Variants in CD33 observed in about 807,000 individuals in gnomAD.
CD33 encodes the protein CD33 molecule.
CD33 carries 25 observed loss-of-function variants against 31.4 expected under a neutral mutation model. The ratio of observed to expected loss-of-function variants is 0.80; its 90% CI spans 0.58 to 1.11. The LOEUF (loss-of-function observed/expected upper bound fraction) is 1.11, where lower values mean the gene tolerates loss of function less well. Ranked by LOEUF, CD33 falls within the 50% of genes most tolerant of loss-of-function variation. The probability of loss-of-function intolerance (pLI) is 0.00; values close to 1 mark genes in which losing one functional copy is unlikely to be tolerated. For synonymous variants in CD33, 176 were observed against 180.6 expected, an observed-to-expected ratio of 0.97 and a Z score of 0.20; for missense variants, 407 against 448.1, an observed-to-expected ratio of 0.91 and a Z score of 0.83.
At chr19:51,213,436 T>G in the CD33 span, among the ~76,000 whole-genome samples, 1 of 152,060 alleles carries the variant, frequency 6.6e-6, no homozygotes, top group African/African-American at 2.4e-5. Context: ...CACCAATGTA[T>G]GTTGCACCAC....
At chr19:51,223,087 G>C (rs1309279675), upstream of CD33, among the ~76,000 whole-genome samples, 1 of 152,048 alleles carries the variant, frequency 6.6e-6, no homozygotes, top group African/African-American at 2.4e-5. Flanking sequence ...CGGCCTGGTA[G>C]TATGAGCCTG....
chr19:51,211,354 C>G, the CD33 span: 38 of 1,552,524 alleles, frequency 2.4e-5, no homozygotes, highest in Non-Finnish European at 3.2e-5. Flanking sequence ...TTACTGGTTC[C>G]GGGAAGGAGC....
Position 51,236,172 on chromosome 19 carries a change from A to G in CD33, c.924+496A>G, listed in dbSNP as rs1360106088. 8.9e-6 allele frequency: 3 copies of G among 335,540 alleles called. No homozygotes were observed. In the East Asian group the frequency reaches 2.1e-4, roughly 24 times the overall value. The allele number at this position is 335,540 out of a possible 1,614,324, so 20.8% of individuals were successfully genotyped here. On this transcript the variant is annotated intron_variant, in intron 6 of 6. Coordinates refer to ENST00000262262, the MANE Select transcript of CD33 (RefSeq NM_001772.4). ...GACTCTGTCCCAAAAAGAAAAAAAA[A>G]ATAGTTTCTTATTCACCGTTCCCGA...
At chr19:51,215,126 G>A in the CD33 span, among the ~76,000 whole-genome samples, 1 of 152,152 alleles carries the variant, frequency 6.6e-6, no homozygotes, top group Non-Finnish European at 1.5e-5. Flanking sequence ...TTCCTCAGGT[G>A]AGCACTGCCC....
At chr19:51,218,508 T>C in the CD33 span, among the ~76,000 whole-genome samples, 1 of 152,238 alleles carries the variant, frequency 6.6e-6, no homozygotes, top group Non-Finnish European at 1.5e-5. Flanking sequence ...TTTTTTATGC[T>C]ATGCAGAAGC....
At chr19:51,237,507 C>A (rs562144177) in intron 6 of CD33, 1 of 152,332 alleles carries the variant, frequency 6.6e-6, no homozygotes, top group African/African-American at 2.4e-5. Flanking sequence ...TGGGCAAACA[C>A]CTGCAGAAAG....
chr19:51,213,026 T>A, the CD33 span, among the ~76,000 whole-genome samples: 1 of 152,248 alleles, frequency 6.6e-6, no homozygotes, highest in East Asian at 1.9e-4. Flanking sequence ...TATGCCTATG[T>A]ATGTGGGACC....
chr19:51,226,119 G>A, intron 3 of CD33, 38 bp downstream of exon 3: 2 of 1,604,668 alleles, frequency 1.2e-6, no homozygotes, highest in Non-Finnish European at 1.7e-6. Context: ...CCCTGAGGGT[G>A]TAGGGGAGAC....
the CD33 span, among the ~76,000 whole-genome samples, chr19:51,216,645 T>G: frequency 1.3e-5 from 2 of 150,206 alleles, no homozygotes; most frequent in African/African-American, 4.9e-5. Flanking sequence ...GAGGCAGAGG[T>G]TGCAGTGCGA....
the CD33 span, among the ~76,000 whole-genome samples, chr19:51,214,426 G>A: frequency 6.7e-6 from 1 of 148,300 alleles, no homozygotes; most frequent in African/African-American, 2.5e-5. Context: ...TCGAATTTCT[G>A]ACCTCGTGAT....
chr19:51,226,033 G>T lies in CD33; in HGVS notation c.649G>T (p.Ala217Ser). 1 of 1,614,058 alleles carries T rather than the reference G, an allele frequency of 6.2e-7. No individual in the cohort carries two copies. Among genetic ancestry groups the T allele is most frequent in the Non-Finnish European group, 8.5e-7 (1 of 1,179,984 alleles). Residue 217 changes from alanine to serine, a missense_variant, in exon 3 of 7, where the codon GCT becomes TCT. Ala to Ser is a moderately conservative substitution (Grantham distance 99). Transcript: ENST00000262262. ...CAACCTGACCTGTCAGGTGAAGTTC[G>T]CTGGAGCTGGTGTGACTACGGAGAG... Reference protein sequence around the residue: ...GTNLTCQVKFAGAGVTTERTI... With the variant: ...GTNLTCQVKFSGAGVTTERTI...
chr19:51,216,221 CGA>C, the CD33 span, among the ~76,000 whole-genome samples: 1,784 of 140,620 alleles, frequency 0.013, 49 homozygotes, highest in African/African-American at 0.03. Flanking sequence ...AAATGTCACC[CGA>C]GTGTGTGTGT....
intron 4 of CD33, among the ~76,000 whole-genome samples, chr19:51,227,854 C>G (rs1981140243): frequency 6.6e-6 from 1 of 152,002 alleles, no homozygotes; most frequent in South Asian, 2.1e-4. Context: ...AATTTTGTGT[C>G]TTATATTCAG....
the CD33 span, among the ~76,000 whole-genome samples, chr19:51,214,476 G>A: frequency 2.4e-4 from 37 of 151,782 alleles, no homozygotes; most frequent in East Asian, 1.8e-3. Context: ...GATTACAGGC[G>A]TGAGCCACTG....
chr19:51,213,039 T>A, the CD33 span, among the ~76,000 whole-genome samples: 1 of 152,218 alleles, frequency 6.6e-6, no homozygotes, highest in Non-Finnish European at 1.5e-5. Context: ...GTGGGACCTG[T>A]TCCTAAACGC....
At chr19:51,211,750 C>T in the CD33 span, 1 of 770,968 alleles carries the variant, frequency 1.3e-6, no homozygotes, top group Non-Finnish European at 2.2e-6. Flanking sequence ...GGCTGTACCT[C>T]AGTCACCCCT....
At chr19:51,212,012 A>G in the CD33 span, 1 of 1,027,544 alleles carries the variant, frequency 9.7e-7, no homozygotes, top group South Asian at 1.3e-5. Context: ...TCACCTGTCG[A>G]GTGACGTTCC....
At chr19:51,236,195 C>T (rs1408061875) in intron 6 of CD33, 27 of 312,764 alleles carry the variant, frequency 8.6e-5, no homozygotes, top group Admixed American at 7.0e-4. Flanking sequence ...TCACCGTTCC[C>T]GAGAGGGCAC....
chr19:51,229,558 C>T (rs571169597), intron 4 of CD33, among the ~76,000 whole-genome samples: 22 of 151,920 alleles, frequency 1.4e-4, no homozygotes, highest in Non-Finnish European at 3.2e-4. Context: ...TTTTATTATT[C>T]ATTCAATCTC....
Sources: gnomAD v4.1 joint callset for allele counts (sites outside exome capture counted in the v4.1 genomes callset) on GRCh38, gnomAD v4.1.1 for gene constraint, MANE v1.5 for transcripts, NCBI Gene and HGNC (gene_info 2026-07-23, HGNC 2026-07-21) for gene names.